EPS15L1: variants seen among roughly 807,000 people sequenced by gnomAD.
EPS15L1 encodes the protein epidermal growth factor receptor pathway substrate 15 like 1, also known as epidermal growth factor receptor substrate 15-like 1.
In EPS15L1, 43 loss-of-function variants were observed where a neutral mutation model predicts 117.1. That is an observed-to-expected ratio of 0.37 (90% confidence interval 0.29 to 0.47). The LOEUF (loss-of-function observed/expected upper bound fraction) is 0.47, where lower values mean the gene tolerates loss of function less well. EPS15L1 is among the 20% of genes least tolerant of loss of function. The pLI is 0.99. For synonymous variants in EPS15L1, 459 were observed against 470.5 expected (o/e 0.98, Z 0.32); for missense variants, 981 against 1,164.0 (o/e 0.84, Z 2.29).
intron 1 of EPS15L1, among the ~76,000 whole-genome samples, chr19:16,445,564 T>C (rs1212897542): frequency 6.6e-6 from 1 of 152,198 alleles, no homozygotes; most frequent in African/African-American, 2.4e-5. Context: ...TGCCCTGATA[T>C]GTCATTGCGA....
intron 20 of EPS15L1, among the ~76,000 whole-genome samples, 162 bp from the exon 21 acceptor site, chr19:16,385,373 C>T (rs560004536): frequency 3.6e-4 from 55 of 152,274 alleles, no homozygotes; most frequent in African/African-American, 1.2e-3. Flanking sequence ...AGCAAGGCCC[C>T]CCTGCCCACT....
Position 16,387,983 on chromosome 19 carries a change from G to C in EPS15L1, c.2104-1752C>G, listed in dbSNP as rs543429742. ...TGTAACTGGAATCCCAGAAAGAGAGGGGAGAGAAAATTGGGCAGAAAAAAC... is the reference window on the plus strand; with the variant it reads ...TGTAACTGGAATCCCAGAAAGAGAGCGGAGAGAAAATTGGGCAGAAAAAAC... On this transcript the variant is annotated intron_variant, in intron 19 of 23. Coordinates refer to ENST00000455140, the MANE Select transcript of EPS15L1 (RefSeq NM_001258374.3). Among the ~76,000 whole-genome samples, 5 of 152,242 alleles carry C rather than the reference G, an allele frequency of 3.3e-5. No individual in the cohort carries two copies. The South Asian group carries it at 1.0e-3, about 32-fold the overall frequency.
rs998492061 is a variant in EPS15L1 at position 16,393,891 on chromosome 19, G to A, written c.1966+60C>T. The A allele has an allele frequency of 7.7e-6, 12 of 1,551,840 alleles. No individual in the cohort carries two copies. In the African/African-American group the frequency reaches 9.5e-5, roughly 12 times the overall value. ...TGTGGACACAAGTCCCACCACATGCGACTTCTGAGCCAGGACTGGACACAG... is the reference window on the plus strand; with the variant it reads ...TGTGGACACAAGTCCCACCACATGCAACTTCTGAGCCAGGACTGGACACAG... On this transcript the variant is annotated intron_variant, in intron 18 of 23. Coordinates refer to ENST00000455140, the MANE Select transcript of EPS15L1 (RefSeq NM_001258374.3).
chr19:16,393,908 T>G, intron 18 of EPS15L1, 43 bp downstream of exon 18: 3 of 1,600,650 alleles, frequency 1.9e-6, no homozygotes, highest in Non-Finnish European at 2.6e-6. Context: ...GAGCCAGGAC[T>G]GGACACAGTC....
At chr19:16,403,269 G>C (rs893548887) in intron 15 of EPS15L1, among the ~76,000 whole-genome samples, 3 of 152,160 alleles carry the variant, frequency 2.0e-5, no homozygotes, top group African/African-American at 7.2e-5. Flanking sequence ...GGCGTCCCAG[G>C]CAGCTTAGAG....
chr19:16,374,756 C>T (rs1462850211), intron 22 of EPS15L1, among the ~76,000 whole-genome samples: 5 of 152,232 alleles, frequency 3.3e-5, no homozygotes, highest in African/African-American at 9.6e-5. Context: ...TACGGCACTG[C>T]TCGGCAAGTG....
chr19:16,455,193 C>A (rs1468528090), intron 1 of EPS15L1, among the ~76,000 whole-genome samples: 2 of 152,164 alleles, frequency 1.3e-5, no homozygotes, highest in Admixed American at 1.3e-4. Context: ...CCATAGCTCA[C>A]TGTAGCCTCA....
At position 16,381,527 on chromosome 19, in the gene EPS15L1, GA is replaced by G. The variant is rs1331345063; in HGVS notation, c.2247+3601del. Among the ~76,000 whole-genome samples the G allele has an allele frequency of 6.6e-6, 1 of 152,228 alleles. No homozygotes were observed. The highest frequency in any genetic ancestry group is 2.4e-5 in the African/African-American group (1 of 41,442). ...GAGCTCGGAAGGCTCCGGCAAGAAG[GA>G]AATGAGGTGCCATGTGACAGGCATC... On this transcript the variant is annotated intron_variant, in intron 21 of 23. Coordinates refer to ENST00000455140, the MANE Select transcript of EPS15L1 (RefSeq NM_001258374.3). This position sits in a 1 kb window ranked among gnomAD's most constrained non-coding sequence, Gnocchi z 4.2.
intron 8 of EPS15L1, 97 bp from the exon 9 acceptor site, chr19:16,425,413 G>C: frequency 1.2e-6 from 1 of 816,776 alleles, no homozygotes; most frequent in Non-Finnish European, 2.1e-6. Context: ...TGCAGTGACA[G>C]GACACTCTGT....
rs1373542973 is a variant in EPS15L1, at chr19:16,377,233, T to C, written c.2269A>G (p.Thr757Ala). Residue 757 changes from threonine (T) to alanine (A), a missense_variant, in exon 22 of 24, where the codon ACC becomes GCC. Coordinates refer to ENST00000455140, the MANE Select transcript of EPS15L1 (RefSeq NM_001258374.3). The stretch of plus-strand genomic sequence containing the variant: ...AATCCTGCCCCTCCCAAGGAGGAGG[T>C]GAAAGGGCCAGAAGGTGGGGGCTGT... Reference protein sequence around the residue: ...MSKPPPSGPFTSSLGGAGFSD... With the variant: ...MSKPPPSGPFASSLGGAGFSD... 1 of 1,611,864 alleles carries C rather than the reference T, an allele frequency of 6.2e-7. No homozygotes were observed. Among genetic ancestry groups the C allele is most frequent in the Admixed American group, 1.7e-5 (1 of 59,424 alleles).
rs776463184 is a variant in EPS15L1 at position 16,361,920 on chromosome 19, C to T, written c.2445G>A (p.Gln815=). Residue 815 remains glutamine (Q), a synonymous_variant, in exon 23 of 24, where the codon CAG becomes CAA. Transcript: ENST00000455140. ...GGTCGCCGCTGTCAGCCCCGAGTGG[C>T]TGGAATGGATCGGGGGCCTCGGGAA... ...ADFPEAPDPF[Q]PLGADSGDPF... is the part of the protein sequence containing the mutation. The T allele has an allele frequency of 6.2e-7, 1 of 1,613,938 alleles. No homozygotes were observed. Among genetic ancestry groups the T allele is most frequent in the East Asian group, 2.2e-5 (1 of 44,876 alleles).
intron 4 of EPS15L1, among the ~76,000 whole-genome samples, chr19:16,439,928 T>C (rs2093013612): frequency 6.6e-6 from 1 of 151,088 alleles, no homozygotes; most frequent in Non-Finnish European, 1.5e-5. Context: ...TTTCAGATTT[T>C]TTTTTTTTTT....
chr19:16,372,866 G>C (rs971290911), intron 22 of EPS15L1, among the ~76,000 whole-genome samples: 2 of 152,228 alleles, frequency 1.3e-5, no homozygotes, highest in Non-Finnish European at 2.9e-5. Context: ...AAACCAGCCT[G>C]ATCAAGCAGT....
chr19:16,402,128 G>A (rs1165093259), intron 16 of EPS15L1, 193 bp downstream of exon 16: 3 of 1,354,482 alleles, frequency 2.2e-6, no homozygotes, highest in Non-Finnish European at 1.9e-6. Flanking sequence ...TGGAAGCCAG[G>A]ATTCAGCATG....
intron 13 of EPS15L1, among the ~76,000 whole-genome samples, chr19:16,410,774 A>T (rs2092699368): frequency 6.6e-6 from 1 of 152,032 alleles, no homozygotes; most frequent in Admixed American, 6.6e-5. Context: ...TTAGCCAAGC[A>T]TGGTGGTGCA....
intron 16 of EPS15L1, among the ~76,000 whole-genome samples, chr19:16,396,911 A>G (rs142000971): frequency 0.042 from 6,384 of 151,662 alleles, 175 homozygotes; most frequent in Non-Finnish European, 0.061. Context: ...TCACATTCAC[A>G]GTGACGAAGT....
intron 1 of EPS15L1, among the ~76,000 whole-genome samples, chr19:16,465,078 C>CAA (rs879397946): frequency 1.2e-4 from 13 of 104,896 alleles, no homozygotes; most frequent in Admixed American, 4.8e-4. Flanking sequence ...GACTTAGTCT[C>CAA]AAAAAAAAAA....
At chr19:16,446,349 G>T (rs553525455) in intron 1 of EPS15L1, among the ~76,000 whole-genome samples, 1 of 152,264 alleles carries the variant, frequency 6.6e-6, no homozygotes, top group South Asian at 2.1e-4. Context: ...GCTGCCTCCT[G>T]CCCAAACTCT....
chr19:16,441,293 A>G, intron 3 of EPS15L1: 1 of 245,534 alleles, frequency 4.1e-6, no homozygotes, highest in South Asian at 4.7e-5. Context: ...TAACACAGTG[A>G]AACCCCGTCC....
Sources: allele counts gnomAD v4.1 joint callset (sites outside exome capture counted in the v4.1 genomes callset), GRCh38; gene constraint gnomAD v4.1.1; non-coding constraint Gnocchi (gnomAD v3.1); transcripts MANE v1.5; gene names NCBI Gene and HGNC (gene_info 2026-07-23, HGNC 2026-07-21).